CHPF2: variants seen among roughly 807,000 people sequenced by gnomAD.
The protein encoded by CHPF2 is chondroitin polymerizing factor 2, also known as chondroitin polymerizing factor 2, non-catalytic subunit.
In CHPF2, 58 loss-of-function variants were observed where a neutral mutation model predicts 63.0. The ratio of observed to expected loss-of-function variants is 0.92; its 90% confidence interval spans 0.75 to 1.15. CHPF2 has a LOEUF of 1.15. Among genes scored for constraint, CHPF2 ranks in the 50% most tolerant of loss-of-function variants. CHPF2 has a pLI of 0.00. For synonymous variants in CHPF2, 442 were observed against 438.0 expected, an observed-to-expected ratio of 1.01 and a Z score of -0.11; for missense variants, 1,045 against 1,035.4, an observed-to-expected ratio of 1.01 and a Z score of -0.13.
In CHPF2 at chr7:151,232,685, C is replaced by T. The variant is rs999629064; in HGVS notation, c.-1327C>T. 2 of 1,418,304 alleles carry T rather than the reference C, an allele frequency of 1.4e-6. No individual in the cohort carries two copies. Among genetic ancestry groups the T allele is most frequent in the Non-Finnish European group, 1.9e-6 (2 of 1,062,708 alleles). The allele number at this position is 1,418,304 out of a possible 1,614,324, so 87.9% of individuals were successfully genotyped here. A position where few individuals can be genotyped will look rare whatever the true frequency, so the allele number is the denominator to read the frequency against. On this transcript the variant is annotated 5_prime_UTR_variant, in exon 1 of 4. Coordinates refer to ENST00000035307, the MANE Select transcript of CHPF2 (RefSeq NM_019015.3). ...CCCCGGCCGTCCTTTATCCGGTGTCCGCCGGCCCCCGGCCCTGAAACCCGG... is the reference window on the plus strand; with the variant it reads ...CCCCGGCCGTCCTTTATCCGGTGTCTGCCGGCCCCCGGCCCTGAAACCCGG...
intron 3 of CHPF2, chr7:151,237,111 A>G (rs1393853777): frequency 1.7e-5 from 11 of 640,620 alleles, no homozygotes; most frequent in Non-Finnish European, 3.2e-5. Flanking sequence ...CTTCTATTTC[A>G]AGATACTTTT....
chr7:151,238,808 A>G lies in CHPF2; in HGVS notation c.*127A>G, dbSNP rs1299307910. ...TTTAAATATGAAAATGTTATTAAAC[A>G]TGTCTTCTGCCAAACTGTTTTTAGG... On this transcript the variant is annotated 3_prime_UTR_variant, in exon 4 of 4. Coordinates refer to ENST00000035307, the MANE Select transcript of CHPF2 (RefSeq NM_019015.3). The G allele has an allele frequency of 1.9e-6, 3 of 1,539,612 alleles. No homozygotes were observed. The highest frequency in any genetic ancestry group is 2.6e-6 in the Non-Finnish European group (3 of 1,146,762).
In CHPF2 at chr7:151,237,410, G is replaced by T; in HGVS notation, c.1048G>T (p.Gly350Trp). 6.2e-7 allele frequency: 1 copy of T among 1,607,732 alleles called. No homozygotes were observed. Among genetic ancestry groups the T allele is most frequent in the South Asian group, 1.1e-5 (1 of 90,964 alleles). ...GAACCTGACCGTGCTGACCCCCGAAGGGGAGGCAGGGCTGAGCTGGCCCGT... is the reference window on the plus strand; with the variant it reads ...GAACCTGACCGTGCTGACCCCCGAATGGGAGGCAGGGCTGAGCTGGCCCGT... ...IRNLTVLTPE[G>W]EAGLSWPVGL... The change falls in exon 4 of 4, where the codon GGG (glycine) becomes TGG (tryptophan). Residue 350 changes from glycine (G) to tryptophan (W), a missense_variant. Physicochemically the swap from Gly to Trp is radical, Grantham distance 184. Coordinates refer to ENST00000035307, the MANE Select transcript of CHPF2 (RefSeq NM_019015.3).
In CHPF2 at chr7:151,232,642, T is replaced by A; in HGVS notation, c.-1370T>A. On this transcript the variant is annotated 5_prime_UTR_variant, in exon 1 of 4. Coordinates refer to ENST00000035307, the MANE Select transcript of CHPF2 (RefSeq NM_019015.3). Reference sequence around the variant, plus strand: ...GTCCCCACGCCTCCGCCCCGCCCCCTCCCGGGACGCCGGGAGACCCCGGCC... The same window carrying A: ...GTCCCCACGCCTCCGCCCCGCCCCCACCCGGGACGCCGGGAGACCCCGGCC... 1 of 1,015,478 alleles carries A rather than the reference T, an allele frequency of 9.8e-7. No homozygotes were observed. Among genetic ancestry groups the A allele is most frequent in the South Asian group, 1.7e-5 (1 of 60,338 alleles). The allele number at this position is 1,015,478 out of a possible 1,614,324, so 62.9% of individuals were successfully genotyped here.
rs999629064 is a variant in CHPF2 at position 151,232,685 on chromosome 7, C to A, written c.-1327C>A. ...CCCCGGCCGTCCTTTATCCGGTGTC[C>A]GCCGGCCCCCGGCCCTGAAACCCGG... On this transcript the variant is annotated 5_prime_UTR_variant, in exon 1 of 4. Coordinates refer to ENST00000035307, the MANE Select transcript of CHPF2 (RefSeq NM_019015.3). The A allele has an allele frequency of 7.8e-6, 11 of 1,418,304 alleles. No individual in the cohort carries two copies. The highest frequency in any genetic ancestry group is 1.0e-5 in the Non-Finnish European group (11 of 1,062,708). 87.9% of individuals were successfully genotyped at this position (1,418,304 alleles called of 1,614,324 possible). A position where few individuals can be genotyped will look rare whatever the true frequency, so the allele number is the denominator to read the frequency against.
chr7:151,232,779 G>A lies in CHPF2; in HGVS notation c.-1233G>A. 6.6e-7 allele frequency: 1 copy of A among 1,504,312 alleles called. No individual in the cohort carries two copies. The highest frequency in any genetic ancestry group is 8.8e-7 in the Non-Finnish European group (1 of 1,133,106). The allele number at this position is 1,504,312 out of a possible 1,614,324, so 93.2% of individuals were successfully genotyped here. On this transcript the variant is annotated 5_prime_UTR_variant, in exon 1 of 4. Transcript: ENST00000035307. ...TCGCGGCCTCGATGCTGTCTCTGGC[G>A]CGGCCTCCGCTCCCGCCGACTGGCC...
At position 151,232,811 on chromosome 7, in the gene CHPF2, C is replaced by G. The variant is rs1250955092; in HGVS notation, c.-1201C>G. The stretch of plus-strand genomic sequence containing the variant: ...CCGCTCCCGCCGACTGGCCTGAGAA[C>G]GAGGTCTGTGCCCCAGTCTCCCAGC... On this transcript the variant is annotated 5_prime_UTR_variant, in exon 1 of 4. Coordinates refer to ENST00000035307, the MANE Select transcript of CHPF2 (RefSeq NM_019015.3). 2 of 1,496,984 alleles carry G rather than the reference C, an allele frequency of 1.3e-6. No homozygotes were observed. Among genetic ancestry groups the G allele is most frequent in the South Asian group, 1.2e-5 (1 of 80,560 alleles). The allele number at this position is 1,496,984 out of a possible 1,614,324, so 92.7% of individuals were successfully genotyped here.
In CHPF2 at chr7:151,232,941, G is replaced by A; in HGVS notation, c.-1071G>A. The A allele has an allele frequency of 7.5e-7, 1 of 1,338,596 alleles. No individual in the cohort carries two copies. The highest frequency in any genetic ancestry group is 1.5e-5 in the African/African-American group (1 of 65,090). 82.9% of individuals were successfully genotyped at this position (1,338,596 alleles called of 1,614,324 possible). On this transcript the variant is annotated 5_prime_UTR_variant, in exon 1 of 4. Transcript: ENST00000035307. ...AGTTTATTTCTGTTTTGAGACGAAC[G>A]GCGAAGACTCGCGTCGGGTCTTCGT...
chr7:151,235,229 G>C lies in CHPF2; in HGVS notation c.445G>C (p.Val149Leu). ...GARAPAGMQV[V>L]SHGDERPAWL... ...CCGGGCTCCAGCAGGGATGCAGGTGGTGTCTCATGGGGATGAGCGGCCCGC... is the reference window on the plus strand; with the variant it reads ...CCGGGCTCCAGCAGGGATGCAGGTGCTGTCTCATGGGGATGAGCGGCCCGC... Residue 149 changes from valine (V) to leucine (L), a missense_variant, in exon 2 of 4, where the codon GTG becomes CTG. By Grantham distance (32) the Val-to-Leu change is conservative. Coordinates refer to ENST00000035307, the MANE Select transcript of CHPF2 (RefSeq NM_019015.3). The C allele has an allele frequency of 1.2e-6, 2 of 1,613,134 alleles. No individual in the cohort carries two copies. Among genetic ancestry groups the C allele is most frequent in the Admixed American group, 1.7e-5 (1 of 60,014 alleles).
chr7:151,233,247 G>A lies in CHPF2; in HGVS notation c.-765G>A. 2.0e-6 allele frequency: 2 copies of A among 996,094 alleles called. No homozygotes were observed. Among genetic ancestry groups the A allele is most frequent in the African/African-American group, 1.7e-5 (1 of 57,768 alleles). The allele number at this position is 996,094 out of a possible 1,614,324, so 61.7% of individuals were successfully genotyped here. A position where few individuals can be genotyped will look rare whatever the true frequency, so the allele number is the denominator to read the frequency against. On this transcript the variant is annotated 5_prime_UTR_variant, in exon 1 of 4. It removes an upstream start codon present in the reference 5' UTR. Transcript: ENST00000035307. ...TTCCGAGGAGAATGCCCTGCAAGAT[G>A]GCTCCATCGGCCATGGCGCTCCTGA...
chr7:151,235,741 T>A (rs1802623520), intron 2 of CHPF2, 129 bp downstream of exon 2: 1 of 883,736 alleles, frequency 1.1e-6, no homozygotes, highest in African/African-American at 1.7e-5. Flanking sequence ...CTGTGGGCCC[T>A]CCGTTGCTCA....
chr7:151,236,458 G>A lies in CHPF2; in HGVS notation c.879G>A (p.Lys293=). 6.2e-7 allele frequency: 1 copy of A among 1,605,626 alleles called. No individual in the cohort carries two copies. The highest frequency in any genetic ancestry group is 8.5e-7 in the Non-Finnish European group (1 of 1,173,210). ...FELAKNRDPE[K]EGSSAFLSAF... ...TGGCCAAAAATAGGGACCCTGAGAA[G>A]GAAGGGAGCTCGGCTTTCCTGAGTG... The change falls in exon 3 of 4, where the codon AAG becomes AAA. Residue 293 remains lysine, a synonymous_variant. Coordinates refer to ENST00000035307, the MANE Select transcript of CHPF2 (RefSeq NM_019015.3).
At position 151,237,417 on chromosome 7, in the gene CHPF2, C is replaced by T. The variant is rs1013133945; in HGVS notation, c.1055C>T (p.Ala352Val). The change falls in exon 4 of 4, where the codon GCA becomes GTA. Residue 352 changes from alanine to valine, a missense_variant. Ala to Val is a moderately conservative substitution (Grantham distance 64, BLOSUM62 0). Transcript: ENST00000035307. ...NLTVLTPEGE[A>V]GLSWPVGLPA... ...ACCGTGCTGACCCCCGAAGGGGAGG[C>T]AGGGCTGAGCTGGCCCGTTGGGCTC... The T allele has an allele frequency of 1.1e-5, 18 of 1,609,256 alleles. No individual in the cohort carries two copies. The highest frequency in any genetic ancestry group is 1.5e-5 in the Non-Finnish European group (18 of 1,176,402).
At chr7:151,236,224 T>G (rs762916930) in intron 2 of CHPF2, among the ~76,000 whole-genome samples, 184 bp from the exon 3 acceptor site, 2 of 152,358 alleles carry the variant, frequency 1.3e-5, no homozygotes, top group Non-Finnish European at 2.9e-5. Flanking sequence ...CCTACTTGCT[T>G]TCTACTTTCC....
In CHPF2 at chr7:151,237,583, G is replaced by A. The variant is rs147884296; in HGVS notation, c.1221G>A (p.Leu407=). 6.4e-3 allele frequency: 10,316 copies of A among 1,613,714 alleles called. 51 individuals are homozygous for A. Among genetic ancestry groups the A allele is most frequent in the Non-Finnish European group, 6.8e-3 (8,036 of 1,180,010 alleles). Residue 407 remains leucine, a synonymous_variant, in exon 4 of 4, where the codon TTG becomes TTA. Coordinates refer to ENST00000035307, the MANE Select transcript of CHPF2 (RefSeq NM_019015.3). ...GASRADVGDA[L]ETALEQLNRR... is the part of the protein sequence containing the mutation. ...GCAGGGCGGACGTGGGTGATGCGTT[G>A]GAGACTGCCCTGGAGCAGCTCAATC...
rs775210258 is a variant in CHPF2, at chr7:151,234,118, G to C, written c.107G>C (p.Gly36Ala). 1.2e-6 allele frequency: 2 copies of C among 1,611,754 alleles called. No homozygotes were observed. Among genetic ancestry groups the C allele is most frequent in the East Asian group, 2.2e-5 (1 of 44,498 alleles). The change falls in exon 1 of 4, where the codon GGG becomes GCG. Residue 36 changes from glycine (G) to alanine (A), a missense_variant. Physicochemically the swap from Gly to Ala is moderately conservative, Grantham distance 60 (BLOSUM62 0). Transcript: ENST00000035307. ...CTCCTGCGGGTTTCCTGGATCCAGG[G>C]GGAGGGAGAAGATCCCTGTGTCGAG... is the stretch of plus-strand genomic sequence containing the variant. ...LSLLRVSWIQ[G>A]EGEDPCVEAV...
rs1221024818 is a variant in CHPF2, at chr7:151,237,814, T to C, written c.1452T>C (p.Thr484=). Reference sequence around the variant, plus strand: ...AAATCCTACCTATGCCCTATGTCACTGAGGCCACCCGAGTGCAGCTGGTGC... The same window carrying C: ...AAATCCTACCTATGCCCTATGTCACCGAGGCCACCCGAGTGCAGCTGGTGC... ...RVEILPMPYV[T]EATRVQLVLP... is the part of the protein sequence containing the mutation. The change falls in exon 4 of 4, where the codon ACT becomes ACC. Residue 484 remains threonine, a synonymous_variant. Transcript: ENST00000035307. 1 of 1,612,678 alleles carries C rather than the reference T, an allele frequency of 6.2e-7. No homozygotes were observed. Among genetic ancestry groups the C allele is most frequent in the South Asian group, 1.1e-5 (1 of 91,084 alleles).
Position 151,238,221 on chromosome 7 carries a change from C to G in CHPF2, c.1859C>G (p.Pro620Arg). 6.2e-7 allele frequency: 1 copy of G among 1,612,966 alleles called. No individual in the cohort carries two copies. The highest frequency in any genetic ancestry group is 8.5e-7 in the Non-Finnish European group (1 of 1,179,984). The change falls in exon 4 of 4, where the codon CCA becomes CGA. Residue 620 changes from proline (P) to arginine (R), a missense_variant. Transcript: ENST00000035307. ...NAISGWQAFFPVHFQEFNPAL... is the reference protein window; with the variant it reads ...NAISGWQAFFRVHFQEFNPAL... The stretch of plus-strand genomic sequence containing the variant: ...ATCTCTGGCTGGCAGGCCTTCTTTC[C>G]AGTCCATTTCCAGGAGTTCAATCCT...
chr7:151,237,361 C>A lies in CHPF2; in HGVS notation c.1012-13C>A. ...AGCTGGCACTAATGTGAGGTGCATT[C>A]CCTCCAACCCAGGCTCAGATCCGGA... On this transcript the variant is annotated splice_polypyrimidine_tract_variant and intron_variant, in intron 3 of 3. Coordinates refer to ENST00000035307, the MANE Select transcript of CHPF2 (RefSeq NM_019015.3). The A allele has an allele frequency of 1.3e-6, 2 of 1,571,474 alleles. No individual in the cohort carries two copies. Among genetic ancestry groups the A allele is most frequent in the Non-Finnish European group, 8.7e-7 (1 of 1,154,524 alleles).
Sources: allele counts gnomAD v4.1 joint callset (sites outside exome capture counted in the v4.1 genomes callset), GRCh38; gene constraint gnomAD v4.1.1; transcripts MANE v1.5; gene names NCBI Gene and HGNC (gene_info 2026-07-23, HGNC 2026-07-21).